The following MAGI2 variants were observed in gnomAD, a reference collection of about 807,000 sequenced individuals.
The protein encoded by MAGI2 is membrane associated guanylate kinase, WW and PDZ domain containing 2.
Under a neutral mutation model 133.3 loss-of-function variants are expected in MAGI2, and 35 were observed. The ratio of observed to expected loss-of-function variants is 0.26; its 90% confidence interval spans 0.20 to 0.35. The LOEUF is 0.35. Among genes scored for constraint, MAGI2 ranks in the 10% least tolerant of loss-of-function variants. The probability of loss-of-function intolerance (pLI) is 1.00; values close to 1 mark genes in which losing one functional copy is unlikely to be tolerated. For synonymous variants in MAGI2, 729 were observed against 710.6 expected (o/e 1.03, Z -0.41); for missense variants, 1,636 against 1,863.4 (o/e 0.88, Z 2.25).
intron 1 of MAGI2, among the ~76,000 whole-genome samples, chr7:79,171,863 C>T (rs1231856530): frequency 6.7e-6 from 1 of 148,242 alleles, no homozygotes; most frequent in African/African-American, 2.5e-5. Context: ...CTCATCCCAA[C>T]ATACACATCC....
At chr7:79,271,367 G>A (rs1834862491) in intron 1 of MAGI2, among the ~76,000 whole-genome samples, 1 of 152,024 alleles carries the variant, frequency 6.6e-6, no homozygotes, top group African/African-American at 2.4e-5. Flanking sequence ...AGGCACCATA[G>A]AACTCCATTA....
At chr7:79,007,624 G>A (rs1807587566) in intron 1 of MAGI2, among the ~76,000 whole-genome samples, 1 of 151,928 alleles carries the variant, frequency 6.6e-6, no homozygotes, top group Non-Finnish European at 1.5e-5. Flanking sequence ...ACTACTCTAG[G>A]TACCTCATAT....
At chr7:78,989,888 AT>A (rs1805598881) in intron 2 of MAGI2, among the ~76,000 whole-genome samples, 1 of 151,956 alleles carries the variant, frequency 6.6e-6, no homozygotes, top group African/African-American at 2.4e-5. Flanking sequence ...TCTATTATCT[AT>A]TTTATATAAA....
In MAGI2 at chr7:78,681,943, C is replaced by T. The variant is rs554203918; in HGVS notation, c.419-54704G>A. ...ATCTTACTGCAATGGTGAAGATGTG[C>T]GAAAGAATAGTCTTTAGGGCAAAGA... On this transcript the variant is annotated intron_variant, in intron 2 of 21. Transcript: ENST00000354212. Among the ~76,000 whole-genome samples the T allele has an allele frequency of 8.5e-5, 13 of 152,072 alleles. No individual in the cohort carries two copies. The South Asian group carries it at 1.9e-3, about 22-fold the overall frequency.
chr7:79,037,019 A>G (rs1811190341), intron 1 of MAGI2, among the ~76,000 whole-genome samples: 2 of 152,220 alleles, frequency 1.3e-5, no homozygotes, highest in South Asian at 4.1e-4. Flanking sequence ...AAAATCCAAG[A>G]TAAAACTTTA....
At chr7:79,377,477 T>A (rs1843458222) in intron 1 of MAGI2, among the ~76,000 whole-genome samples, 1 of 151,808 alleles carries the variant, frequency 6.6e-6, no homozygotes, top group African/African-American at 2.4e-5. Context: ...TCAAAATCAA[T>A]AATGATACTT....
intron 10 of MAGI2, chr7:78,253,036 ATTC>A (rs1429804023): frequency 1.3e-5 from 2 of 152,040 alleles, no homozygotes; most frequent in African/African-American, 4.8e-5. Flanking sequence ...TTAAATATAT[ATTC>A]TTCTTACAGC....
At chr7:78,442,861 C>A (rs1225589325) in intron 6 of MAGI2, among the ~76,000 whole-genome samples, 1 of 152,116 alleles carries the variant, frequency 6.6e-6, no homozygotes, top group Non-Finnish European at 1.5e-5. Context: ...TTGATGCAAA[C>A]CTGTTTGCTC....
intron 2 of MAGI2, among the ~76,000 whole-genome samples, chr7:78,855,906 T>C (rs962779674): frequency 2.6e-5 from 4 of 152,190 alleles, no homozygotes; most frequent in African/African-American, 9.7e-5. Context: ...CCACATCCTC[T>C]ACAGCACCTG....
At chr7:78,748,058 G>T (rs951119244) in intron 2 of MAGI2, among the ~76,000 whole-genome samples, 8 of 151,790 alleles carry the variant, frequency 5.3e-5, no homozygotes, top group Non-Finnish European at 1.0e-4. Context: ...TTTAACATCA[G>T]CTTTTAACCA....
chr7:78,979,261 T>G (rs1804573185), intron 2 of MAGI2, among the ~76,000 whole-genome samples: 1 of 151,720 alleles, frequency 6.6e-6, no homozygotes, highest in Admixed American at 6.6e-5. Context: ...ACCAGGACCC[T>G]TTGGAGAAAT....
chr7:79,377,414 T>C (rs965131815), intron 1 of MAGI2, among the ~76,000 whole-genome samples: 2 of 151,870 alleles, frequency 1.3e-5, no homozygotes, highest in South Asian at 2.1e-4. Context: ...TTTAAAAGCA[T>C]TTTCCGCTGG....
At chr7:78,825,942 A>C (rs1303739073) in intron 2 of MAGI2, among the ~76,000 whole-genome samples, 1 of 152,224 alleles carries the variant, frequency 6.6e-6, no homozygotes, top group Non-Finnish European at 1.5e-5. Flanking sequence ...AGAAGTAATC[A>C]AGATGCCTCT....
chr7:78,993,658 G>A (rs569610465), intron 2 of MAGI2, among the ~76,000 whole-genome samples: 1 of 151,902 alleles, frequency 6.6e-6, no homozygotes, highest in Non-Finnish European at 1.5e-5. Context: ...TATTATTCCT[G>A]GGGATCTAGT....
chr7:78,460,687 A>G (rs770584834), intron 6 of MAGI2, among the ~76,000 whole-genome samples: 1 of 152,196 alleles, frequency 6.6e-6, no homozygotes. Flanking sequence ...GGAACGCAGG[A>G]TGTGCAAGGC....
At chr7:78,209,685 G>A (rs975542940) in intron 10 of MAGI2, among the ~76,000 whole-genome samples, 10 of 151,780 alleles carry the variant, frequency 6.6e-5, no homozygotes, top group Admixed American at 1.3e-4. Flanking sequence ...TGTAATTCAC[G>A]CCCTATTTTC....
chr7:78,071,616 G>A (rs1436472220), intron 21 of MAGI2, among the ~76,000 whole-genome samples: 3 of 152,268 alleles, frequency 2.0e-5, no homozygotes, highest in South Asian at 2.1e-4. Flanking sequence ...TATGGTTAGC[G>A]GATTTCCTGG....
chr7:78,356,521 A>G (rs1792098556), intron 7 of MAGI2, among the ~76,000 whole-genome samples: 2 of 152,222 alleles, frequency 1.3e-5, no homozygotes, highest in Admixed American at 6.5e-5. Context: ...GGATATGCTA[A>G]TTACCCTCAT....
intron 2 of MAGI2, among the ~76,000 whole-genome samples, chr7:78,761,460 A>C (rs1368198847): frequency 6.7e-6 from 1 of 149,662 alleles, no homozygotes; most frequent in African/African-American, 2.5e-5. Context: ...AAATATGTAG[A>C]TTCTGATTTT....
Sources: allele counts gnomAD v4.1 joint callset (sites outside exome capture counted in the v4.1 genomes callset), GRCh38; gene constraint gnomAD v4.1.1; transcripts MANE v1.5; gene names NCBI Gene and HGNC (gene_info 2026-07-23, HGNC 2026-07-21).